PRL: variants seen among roughly 807,000 people sequenced by gnomAD.
PRL encodes the protein prolactin, also known as decidual prolactin.
In PRL, 24 loss-of-function variants were observed where a neutral mutation model predicts 21.3. The ratio of observed to expected loss-of-function variants is 1.13; its 90% CI spans 0.82 to 1.59. The LOEUF is 1.59. Among genes scored for constraint, PRL ranks in the 40% most tolerant of loss-of-function variants. PRL has a pLI of 0.00. For missense variants in PRL, 243 were observed against 286.9 expected, an observed-to-expected ratio of 0.85 and a Z score of 1.10; for synonymous variants, 118 against 115.7, an observed-to-expected ratio of 1.02 and a Z score of -0.13.
intron 2 of PRL, among the ~76,000 whole-genome samples, chr6:22,294,033 G>A (rs1324224109): frequency 6.6e-6 from 1 of 152,030 alleles, no homozygotes; most frequent in East Asian, 1.9e-4. Flanking sequence ...TTCATTATTG[G>A]ATATCTATTC....
At chr6:22,301,113 A>T (rs576132540), upstream of PRL, among the ~76,000 whole-genome samples, 1 of 152,328 alleles carries the variant, frequency 6.6e-6, no homozygotes, top group East Asian at 1.9e-4. Flanking sequence ...CTCACACTTC[A>T]ATATTCTGTC....
chr6:22,289,789 C>A (rs1362964472), intron 4 of PRL, among the ~76,000 whole-genome samples: 1 of 152,196 alleles, frequency 6.6e-6, no homozygotes, highest in Non-Finnish European at 1.5e-5. Context: ...TTCCCACTCT[C>A]ATCCTCTGGC....
chr6:22,300,822 T>C (rs1049627319), upstream of PRL, among the ~76,000 whole-genome samples: 10 of 152,354 alleles, frequency 6.6e-5, no homozygotes, highest in African/African-American at 2.2e-4. Context: ...TTCTTATTTT[T>C]TTCTTTTAAT....
At chr6:22,289,286 C>T (rs895578642) in intron 4 of PRL, among the ~76,000 whole-genome samples, 2 of 152,036 alleles carry the variant, frequency 1.3e-5, no homozygotes, top group African/African-American at 4.8e-5. Flanking sequence ...GTACTTAGTA[C>T]ACAAAAAGAG....
intron 2 of PRL, among the ~76,000 whole-genome samples, chr6:22,293,952 A>G (rs924156181): frequency 1.3e-5 from 2 of 152,200 alleles, no homozygotes; most frequent in Admixed American, 1.3e-4. Context: ...TATTATTTGT[A>G]TATTTTCCCC....
At chr6:22,294,038 C>G (rs1021880118) in intron 2 of PRL, among the ~76,000 whole-genome samples, 1 of 152,154 alleles carries the variant, frequency 6.6e-6, no homozygotes, top group Non-Finnish European at 1.5e-5. Context: ...TATTGGATAT[C>G]TATTCCGTGC....
chr6:22,301,556 T>G (rs1213868725), upstream of PRL, among the ~76,000 whole-genome samples: 2 of 152,176 alleles, frequency 1.3e-5, no homozygotes, highest in Admixed American at 1.3e-4. Context: ...CTTAGGGCCA[T>G]GCATGTGCTG....
At position 22,288,895 on chromosome 6, in the gene PRL, CGTGTGTGCGCGCGCGT is replaced by C. The variant is rs1314161192; in HGVS notation, c.492+1263_492+1278del. On this transcript the variant is annotated intron_variant, in intron 4 of 4. Coordinates refer to ENST00000306482, the MANE Select transcript of PRL (RefSeq NM_000948.6). This position sits in a 1 kb window ranked among gnomAD's most constrained non-coding sequence, Gnocchi z 4.5. ...GTGTATGCGCGTGCGCGTGTGTGTG[CGTGTGTGCGCGCGCGT>C]GTGTGTGCGTGCGCGTGTGTGTGCA... Among the ~76,000 whole-genome samples the C allele has an allele frequency of 7.2e-4, 106 of 148,144 alleles. No homozygotes were observed. Among genetic ancestry groups the C allele is most frequent in the African/African-American group, 2.6e-3 (100 of 39,034 alleles).
intron 3 of PRL, among the ~76,000 whole-genome samples, chr6:22,291,331 C>CA (rs1761046030): frequency 1.3e-5 from 2 of 152,212 alleles, no homozygotes; most frequent in South Asian, 2.1e-4. Context: ...GAATGAAGCC[C>CA]AGGCTCGCTG....
At chr6:22,287,652 GTTCT>G (rs1373926398) in intron 4 of PRL, 59 bp from the exon 5 acceptor site, 94 of 1,368,272 alleles carry the variant, frequency 6.9e-5, no homozygotes, top group Middle Eastern at 1.9e-4. Flanking sequence ...GTATGTCCTT[GTTCT>G]TTCTAACTGT....
intron 3 of PRL, 65 bp from the exon 4 acceptor site, chr6:22,290,418 A>C: frequency 2.3e-6 from 3 of 1,326,668 alleles, no homozygotes; most frequent in Non-Finnish European, 3.0e-6. Flanking sequence ...GTTACTTGTG[A>C]TTTTTGCTTA....
At chr6:22,294,358 T>A in intron 2 of PRL, 51 bp downstream of exon 2, 1 of 1,602,706 alleles carries the variant, frequency 6.2e-7, no homozygotes, top group Non-Finnish European at 8.5e-7. Flanking sequence ...CAGAGCCCAG[T>A]AGTTCATGTG....
Position 22,290,342 on chromosome 6 carries a change from A to G in PRL, c.324T>C (p.Phe108=). 1.3e-6 allele frequency: 2 copies of G among 1,589,194 alleles called. No individual in the cohort carries two copies. Among genetic ancestry groups the G allele is most frequent in the African/African-American group, 2.7e-5 (2 of 74,714 alleles). The change falls in exon 4 of 5, where the codon TTT becomes TTC. Residue 108 remains phenylalanine, a synonymous_variant. Coordinates refer to ENST00000306482, the MANE Select transcript of PRL (RefSeq NM_000948.6). ...GCAATATGCTGACTATCAGGCTCAGAAAGTCTTTTTGCTACGAAACCATAT... is the reference window on the plus strand; with the variant it reads ...GCAATATGCTGACTATCAGGCTCAGGAAGTCTTTTTGCTACGAAACCATAT... ...EQAQQMNQKD[F]LSLIVSILRS...
At position 22,290,231 on chromosome 6, in the gene PRL, TA is replaced by T; in HGVS notation, c.434del (p.Val145GlufsTer11). On this transcript the variant is annotated frameshift_variant, in exon 4 of 5. Coordinates refer to ENST00000306482, the MANE Select transcript of PRL (RefSeq NM_000948.6). LOFTEE classifies it high-confidence loss of function. The stretch of plus-strand genomic sequence containing the variant: ...GCCGTTTGGTTTGCTCCTCAATCTC[TA>T]CAGCTTTGGATAGGATAGCCTCCGG... ...EAPEAILSKA[V>X]EIEEQTKRLL... The T allele has an allele frequency of 6.2e-7, 1 of 1,612,014 alleles. No individual in the cohort carries two copies. Among genetic ancestry groups the T allele is most frequent in the Non-Finnish European group, 8.5e-7 (1 of 1,178,424 alleles).
At chr6:22,299,567 G>A (rs1561758063), upstream of PRL, among the ~76,000 whole-genome samples, 1 of 152,196 alleles carries the variant, frequency 6.6e-6, no homozygotes, top group Non-Finnish European at 1.5e-5. Context: ...CAGGGCGGGC[G>A]CAGTGGCTCA....
chr6:22,293,233 C>A (rs534334080), intron 2 of PRL, among the ~76,000 whole-genome samples: 166 of 151,966 alleles, frequency 1.1e-3, no homozygotes, highest in Non-Finnish European at 1.9e-3. Context: ...ACACAGGGCA[C>A]ACAATTTTAG....
At chr6:22,296,108 A>G (rs1761167428) in intron 1 of PRL, among the ~76,000 whole-genome samples, 1 of 152,216 alleles carries the variant, frequency 6.6e-6, no homozygotes, top group African/African-American at 2.4e-5. Flanking sequence ...AGATAGAGGA[A>G]TTGGAATAGC....
chr6:22,296,672 T>C (rs1172085566), intron 1 of PRL, among the ~76,000 whole-genome samples: 1 of 152,184 alleles, frequency 6.6e-6, no homozygotes, highest in Non-Finnish European at 1.5e-5. Context: ...CTCATCACTA[T>C]CCATTAGATA....
intron 1 of PRL, 52 bp downstream of exon 1, chr6:22,296,903 C>T: frequency 1.3e-6 from 2 of 1,571,582 alleles, no homozygotes; most frequent in Middle Eastern, 1.7e-4. Context: ...CACATTAATC[C>T]CCCCACAGGA....
Sources: allele counts gnomAD v4.1 joint callset (sites outside exome capture counted in the v4.1 genomes callset), GRCh38; gene constraint gnomAD v4.1.1; non-coding constraint Gnocchi (gnomAD v3.1); transcripts MANE v1.5; gene names NCBI Gene and HGNC (gene_info 2026-07-23, HGNC 2026-07-21).